Variants in SHROOM3 observed in about 807,000 individuals in gnomAD.
SHROOM3 encodes protein Shroom3.
In SHROOM3, 47 loss-of-function variants were observed where a neutral mutation model predicts 138.6. The ratio of observed to expected loss-of-function variants is 0.34; its 90% CI spans 0.27 to 0.43. The LOEUF (loss-of-function observed/expected upper bound fraction) is 0.43. SHROOM3 is among the 20% of genes least tolerant of loss of function. The pLI is 1.00. For synonymous variants in SHROOM3, 1,062 were observed against 1,063.3 expected, an observed-to-expected ratio of 1.00 and a Z score of 0.02; for missense variants, 2,491 against 2,596.5, an observed-to-expected ratio of 0.96 and a Z score of 0.88.
chr4:76,753,921 A>G (rs2110143107), intron 6 of SHROOM3, among the ~76,000 whole-genome samples: 1 of 152,366 alleles, frequency 6.6e-6, no homozygotes, highest in East Asian at 1.9e-4. Flanking sequence ...ATTTTTCCCC[A>G]GAGCTGGGAG....
chr4:76,611,146 A>G (rs6820832), intron 2 of SHROOM3, among the ~76,000 whole-genome samples: 104,213 of 152,014 alleles, frequency 0.69, 36,344 homozygotes, highest in East Asian at 0.94. Flanking sequence ...ATTGTTGTGC[A>G]ACCATCACCA....
At chr4:76,633,332 C>CAAAAAAAAA (rs56002974) in intron 2 of SHROOM3, among the ~76,000 whole-genome samples, 7 of 83,838 alleles carry the variant, frequency 8.3e-5, no homozygotes, top group African/African-American at 1.4e-4. Context: ...GACTCAGTCT[C>CAAAAAAAAA]AAAAAAAAAA....
chr4:76,547,155 T>G (rs1048768872), intron 1 of SHROOM3, among the ~76,000 whole-genome samples: 1 of 152,184 alleles, frequency 6.6e-6, no homozygotes, highest in African/African-American at 2.4e-5. Flanking sequence ...AACACAGCAG[T>G]GTTGAGTGTC....
At chr4:76,660,185 C>T (rs1416012998) in intron 2 of SHROOM3, among the ~76,000 whole-genome samples, 1 of 152,162 alleles carries the variant, frequency 6.6e-6, no homozygotes, top group Non-Finnish European at 1.5e-5. Flanking sequence ...AGCATCTTCA[C>T]CATTCATCTT....
chr4:76,436,419 C>T (rs1281772068), intron 1 of SHROOM3, among the ~76,000 whole-genome samples, 199 bp downstream of exon 1: 4 of 151,906 alleles, frequency 2.6e-5, no homozygotes, highest in Non-Finnish European at 4.4e-5. Context: ...CTATGAAATC[C>T]GAAGAAAAAT....
chr4:76,610,108 C>T (rs1734731092), intron 2 of SHROOM3, among the ~76,000 whole-genome samples: 1 of 152,216 alleles, frequency 6.6e-6, no homozygotes, highest in Non-Finnish European at 1.5e-5. Context: ...CTACGCTTGA[C>T]CATCATCTGT....
chr4:76,501,736 A>G (rs1732100384), intron 1 of SHROOM3, among the ~76,000 whole-genome samples: 2 of 152,264 alleles, frequency 1.3e-5, no homozygotes, highest in South Asian at 2.1e-4. Context: ...TTCCTAAACT[A>G]TGGGATTCAG....
intron 1 of SHROOM3, among the ~76,000 whole-genome samples, chr4:76,467,499 G>A (rs1579173580): frequency 6.6e-6 from 1 of 152,248 alleles, no homozygotes; most frequent in East Asian, 1.9e-4. Context: ...AACTGTGAAG[G>A]CTAAGCAAAT....
At chr4:76,653,972 C>T (rs562641917) in intron 2 of SHROOM3, among the ~76,000 whole-genome samples, 6 of 152,224 alleles carry the variant, frequency 3.9e-5, no homozygotes, top group African/African-American at 1.4e-4. Context: ...ATAGAAGACT[C>T]TAGTAATGGA....
intron 2 of SHROOM3, among the ~76,000 whole-genome samples, chr4:76,610,115 C>G (rs868694331): frequency 6.6e-6 from 1 of 152,252 alleles, no homozygotes; most frequent in South Asian, 2.1e-4. Context: ...TGACCATCAT[C>G]TGTCAAACCA....
At chr4:76,698,465 T>C (rs1450232842) in intron 2 of SHROOM3, among the ~76,000 whole-genome samples, 1 of 152,162 alleles carries the variant, frequency 6.6e-6, no homozygotes. Flanking sequence ...TCCACTCCTT[T>C]AGGCAGGTCT....
At chr4:76,684,597 C>A (rs1719283836) in intron 2 of SHROOM3, among the ~76,000 whole-genome samples, 1 of 152,092 alleles carries the variant, frequency 6.6e-6, no homozygotes. Context: ...GGGATAATAG[C>A]CAGGATGCAT....
chr4:76,465,504 C>T (rs1731232416), intron 1 of SHROOM3, among the ~76,000 whole-genome samples: 1 of 152,196 alleles, frequency 6.6e-6, no homozygotes, highest in Non-Finnish European at 1.5e-5. Context: ...CCAAGACTTT[C>T]TCAGAATCAC....
chr4:76,732,379 G>A (rs1578002376), intron 4 of SHROOM3, among the ~76,000 whole-genome samples: 2 of 152,258 alleles, frequency 1.3e-5, no homozygotes, highest in East Asian at 3.9e-4. Flanking sequence ...ACTCATGTCT[G>A]GTCAAGTCAA....
At chr4:76,473,210 A>C (rs1014507297) in intron 1 of SHROOM3, among the ~76,000 whole-genome samples, 10 of 152,248 alleles carry the variant, frequency 6.6e-5, no homozygotes, top group African/African-American at 2.4e-4. Context: ...AAAGGATACT[A>C]TTGAGAAAGT....
At chr4:76,605,311 A>G (rs1300263946) in intron 2 of SHROOM3, among the ~76,000 whole-genome samples, 1 of 152,208 alleles carries the variant, frequency 6.6e-6, no homozygotes, top group Non-Finnish European at 1.5e-5. Context: ...TACCTAAATG[A>G]CATACAGCCC....
At chr4:76,683,678 T>C (rs1288066988) in intron 2 of SHROOM3, among the ~76,000 whole-genome samples, 4 of 152,206 alleles carry the variant, frequency 2.6e-5, no homozygotes, top group Non-Finnish European at 5.9e-5. Flanking sequence ...GGTTGTCTTA[T>C]GCCTCAGCAT....
intron 1 of SHROOM3, among the ~76,000 whole-genome samples, chr4:76,543,448 T>G (rs1266106834): frequency 6.6e-6 from 1 of 152,200 alleles, no homozygotes; most frequent in Non-Finnish European, 1.5e-5. Context: ...GAGTTTTTAT[T>G]TGTTTGTTTC....
At chr4:76,695,902 G>C (rs1173677941) in intron 2 of SHROOM3, among the ~76,000 whole-genome samples, 1 of 152,206 alleles carries the variant, frequency 6.6e-6, no homozygotes, top group African/African-American at 2.4e-5. Context: ...CCCTCAGCAT[G>C]CAGAGACCTT....
Sources: gnomAD v4.1 joint callset for allele counts (sites outside exome capture counted in the v4.1 genomes callset) on GRCh38, gnomAD v4.1.1 for gene constraint, MANE v1.5 for transcripts, NCBI Gene and HGNC (gene_info 2026-07-23, HGNC 2026-07-21) for gene names.